GBP1: variants seen among roughly 807,000 people sequenced by gnomAD.
GBP1 encodes the protein guanylate binding protein 1.
GBP1 carries 64 observed loss-of-function variants against 69.5 expected under a neutral mutation model. The ratio of observed to expected loss-of-function variants is 0.92; its 90% confidence interval spans 0.75 to 1.13. The LOEUF (loss-of-function observed/expected upper bound fraction) is 1.13. Among genes scored for constraint, GBP1 ranks in the 50% most tolerant of loss-of-function variants. GBP1 has a pLI of 0.00. For synonymous variants in GBP1, 250 were observed against 261.2 expected (o/e 0.96, Z 0.41); for missense variants, 630 against 704.1 (o/e 0.89, Z 1.19).
intron 1 of GBP1, among the ~76,000 whole-genome samples, 186 bp from the exon 2 acceptor site, chr1:89,063,439 A>T (rs1680256292): frequency 6.6e-6 from 1 of 152,224 alleles, no homozygotes; most frequent in African/African-American, 2.4e-5. Context: ...AAATGTTAGC[A>T]TGACAGTGAC....
At chr1:89,053,609 T>C (rs1042209461) in intron 10 of GBP1, 141 bp from the exon 11 acceptor site, 1 of 1,331,586 alleles carries the variant, frequency 7.5e-7, no homozygotes, top group Non-Finnish European at 1.0e-6. Flanking sequence ...TGGCCTATCA[T>C]TGACCAAAGC....
intron 1 of GBP1, among the ~76,000 whole-genome samples, chr1:89,063,992 A>G (rs897414211): frequency 5.3e-5 from 8 of 152,188 alleles, no homozygotes; most frequent in African/African-American, 9.7e-5. Flanking sequence ...AATTGCAAAT[A>G]CTGAATGTTT....
intron 5 of GBP1, 172 bp downstream of exon 5, chr1:89,058,669 T>C: frequency 1.5e-6 from 1 of 686,614 alleles, no homozygotes; most frequent in Non-Finnish European, 2.4e-6. Context: ...ATGACAAATG[T>C]AATTTAAAAT....
At chr1:89,056,768 T>C (rs1680056350) in intron 7 of GBP1, 86 bp downstream of exon 7, 1 of 1,434,340 alleles carries the variant, frequency 7.0e-7, no homozygotes, top group Non-Finnish European at 9.5e-7. Context: ...AGGAATTACT[T>C]CCGTCAAAAT....
chr1:89,056,553 T>C (rs1680051295), intron 7 of GBP1, among the ~76,000 whole-genome samples: 1 of 152,252 alleles, frequency 6.6e-6, no homozygotes, highest in South Asian at 2.1e-4. Flanking sequence ...GAAAATTTTC[T>C]TTGTGTTTGG....
In GBP1 at chr1:89,053,425, C is replaced by A. The variant is rs1473095312; in HGVS notation, c.1709G>T (p.Arg570Ile). ...ATCCTGTATCTCATTTTTCATTATTCTGCTTTCTTTTTGAAATCCCTCTTT... is the reference window on the plus strand; with the variant it reads ...ATCCTGTATCTCATTTTTCATTATTATGCTTTCTTTTTGAAATCCCTCTTT... ...LLKEGFQKES[R>I]IMKNEIQDLQ... is the part of the protein sequence containing the mutation. The change falls in exon 11 of 11, where the codon AGA (arginine) becomes ATA (isoleucine). Residue 570 changes from arginine to isoleucine, a missense_variant. By Grantham distance (97) the Arg-to-Ile change is moderately conservative. Around this residue, in one of 5 missense-constraint regions of GBP1, gnomAD observed 71 missense variants for 72.7 expected, o/e 0.98. Coordinates refer to ENST00000370473, the MANE Select transcript of GBP1 (RefSeq NM_002053.3). 2 of 1,613,546 alleles carry A rather than the reference C, an allele frequency of 1.2e-6. 1 individual carries two copies. Among genetic ancestry groups the A allele is most frequent in the Middle Eastern group, 3.4e-4 (2 of 5,930 alleles).
At position 89,057,120 on chromosome 1, in the gene GBP1, C is replaced by T. The variant is rs373189716; in HGVS notation, c.889G>A (p.Val297Met). 3 of 1,614,146 alleles carry T rather than the reference C, an allele frequency of 1.9e-6. No homozygotes were observed. In the African/African-American group the frequency reaches 4.0e-5, roughly 22 times the overall value. ...QVNGPRLESL[V>M]LTYVNAISSG... is the part of the protein sequence containing the mutation. ...CTGATGGCATTGACGTAGGTCAGCACCAGGCTCTCTAGACCTGCATATGAA... is the reference window on the plus strand; with the variant it reads ...CTGATGGCATTGACGTAGGTCAGCATCAGGCTCTCTAGACCTGCATATGAA... The change falls in exon 7 of 11, where the codon GTG (valine) becomes ATG (methionine). Residue 297 changes from valine to methionine, a missense_variant. Coordinates refer to ENST00000370473, the MANE Select transcript of GBP1 (RefSeq NM_002053.3).
intron 2 of GBP1, among the ~76,000 whole-genome samples, chr1:89,062,075 G>A (rs1474152740): frequency 2.0e-5 from 3 of 151,974 alleles, no homozygotes; most frequent in African/African-American, 7.2e-5. Flanking sequence ...AATGTAAAAC[G>A]GTACAGTCAC....
Position 89,053,221 on chromosome 1 carries a change from G to T in GBP1, c.*134C>A, listed in dbSNP as rs1679962200. On this transcript the variant is annotated 3_prime_UTR_variant, in exon 11 of 11. Transcript: ENST00000370473. Reference sequence around the variant, plus strand: ...AAGAAAAAACATGATTTTGATCATTGTACCACATGCCTTTATAAACTTTTG... The same window carrying T: ...AAGAAAAAACATGATTTTGATCATTTTACCACATGCCTTTATAAACTTTTG... 153 of 485,748 alleles carry T rather than the reference G, an allele frequency of 3.1e-4. No individual in the cohort carries two copies. Among genetic ancestry groups the T allele is most frequent in the South Asian group, 7.4e-4 (19 of 25,846 alleles). 30.1% of individuals were successfully genotyped at this position (485,748 alleles called of 1,614,324 possible). A position where few individuals can be genotyped will look rare whatever the true frequency, so the allele number is the denominator to read the frequency against.
intron 5 of GBP1, chr1:89,058,543 A>G: frequency 1.9e-6 from 1 of 533,258 alleles, no homozygotes; most frequent in Non-Finnish European, 3.3e-6. Flanking sequence ...ATAAATATCC[A>G]TTGTACTCCA....
At position 89,055,998 on chromosome 1, in the gene GBP1, C is replaced by G. The variant is rs140503118; in HGVS notation, c.1368+18G>C. 1.2e-5 allele frequency: 20 copies of G among 1,613,904 alleles called. No individual in the cohort carries two copies. The East Asian group carries it at 4.2e-4, about 34-fold the overall frequency. On this transcript the variant is annotated intron_variant, in intron 8 of 10. Coordinates refer to ENST00000370473, the MANE Select transcript of GBP1 (RefSeq NM_002053.3). ...CAGGTCAGCAGCTTTCCATAATTGA[C>G]AGATAAATCTTGGTTACCTGTATCC...
chr1:89,060,878 A>T (rs1203907218), intron 2 of GBP1, among the ~76,000 whole-genome samples: 2 of 152,272 alleles, frequency 1.3e-5, no homozygotes, highest in Admixed American at 1.3e-4. Context: ...CAAAGTCAAT[A>T]TGGAGAAATC....
intron 6 of GBP1, 51 bp from the exon 7 acceptor site, chr1:89,057,185 A>T (rs1680071445): frequency 6.2e-7 from 1 of 1,602,756 alleles, no homozygotes. Context: ...GAAAGTCTCT[A>T]TTCCATGTAA....
chr1:89,055,242 G>T (rs745980927), intron 8 of GBP1, 27 bp from the exon 9 acceptor site: 25 of 1,612,322 alleles, frequency 1.6e-5, no homozygotes, highest in Non-Finnish European at 2.1e-5. Flanking sequence ...CACAGAGTGA[G>T]AAGTAGGAAA....
At chr1:89,063,000 A>G (rs1680238358) in intron 2 of GBP1, 45 bp downstream of exon 2, 2 of 1,604,580 alleles carry the variant, frequency 1.2e-6, no homozygotes, top group Admixed American at 1.7e-5. Flanking sequence ...CTGACTGTGT[A>G]GATGGACAGA....
chr1:89,060,111 T>C, intron 3 of GBP1, 86 bp downstream of exon 3: 12 of 1,271,792 alleles, frequency 9.4e-6, no homozygotes, highest in Non-Finnish European at 1.2e-5. Context: ...TTACAGCCTG[T>C]AGTTAATAGT....
intron 1 of GBP1, among the ~76,000 whole-genome samples, chr1:89,063,741 A>G (rs562684067): frequency 4.5e-4 from 68 of 152,338 alleles, no homozygotes; most frequent in African/African-American, 1.6e-3. Flanking sequence ...CCATCTTCAA[A>G]TGATTATGCT....
At chr1:89,054,985 A>T in intron 9 of GBP1, 110 bp from the exon 10 acceptor site, 1 of 1,416,410 alleles carries the variant, frequency 7.1e-7, no homozygotes, top group Non-Finnish European at 9.7e-7. Flanking sequence ...CTACTCAGAG[A>T]TGACCTCGGC....
intron 2 of GBP1, chr1:89,062,773 A>G: frequency 5.3e-6 from 2 of 374,194 alleles, no homozygotes; most frequent in Non-Finnish European, 9.7e-6. Context: ...TATAGTTATT[A>G]TTATGTACAT....
Sources: gnomAD v4.1 joint callset for allele counts (sites outside exome capture counted in the v4.1 genomes callset) on GRCh38, gnomAD v4.1.1 for gene constraint, gnomAD v4.1.1 regional missense constraint, MANE v1.5 for transcripts, NCBI Gene and HGNC (gene_info 2026-07-23, HGNC 2026-07-21) for gene names.